The following VPS13B variants were observed in gnomAD, a reference collection of about 807,000 sequenced individuals.
The protein encoded by VPS13B is intermembrane lipid transfer protein VPS13B.
Under a neutral mutation model 426.4 loss-of-function variants are expected in VPS13B, and 285 were observed. That is an observed-to-expected ratio of 0.67 (90% confidence interval 0.61 to 0.74). VPS13B has a LOEUF of 0.74. VPS13B is among the 30% of genes least tolerant of loss of function. The pLI, the probability that VPS13B is intolerant of heterozygous loss-of-function variation, is 0.00. For missense variants in VPS13B, 4,537 were observed against 4,782.6 expected, an observed-to-expected ratio of 0.95 and a Z score of 1.51; for synonymous variants, 1,676 against 1,676.4, an observed-to-expected ratio of 1.00 and a Z score of 0.01.
rs377401535 is a variant in VPS13B at position 99,670,141 on chromosome 8, T to G, written c.6046+8650T>G. ...CCCTGCTTTTATGTTATTACTGAAT[T>G]TATTACTCAGTGGGGATTAACTCAG... On this transcript the variant is annotated intron_variant, in intron 35 of 61. Transcript: ENST00000357162. Among the ~76,000 whole-genome samples, 15 of 152,198 alleles carry G rather than the reference T, an allele frequency of 9.9e-5. No homozygotes were observed. The East Asian group carries it at 2.5e-3, about 25-fold the overall frequency.
chr8:99,625,597 G>A (rs1355350668), intron 33 of VPS13B, among the ~76,000 whole-genome samples: 1 of 152,064 alleles, frequency 6.6e-6, no homozygotes, highest in Non-Finnish European at 1.5e-5. Flanking sequence ...GCTCACACCT[G>A]TAATCCTAAC....
chr8:99,213,909 C>G (rs1815248330), intron 17 of VPS13B, among the ~76,000 whole-genome samples: 1 of 151,894 alleles, frequency 6.6e-6, no homozygotes, highest in Non-Finnish European at 1.5e-5. Flanking sequence ...TTCTAGACTC[C>G]CATAAGTTCT....
chr8:99,810,719 T>C (rs941761999), intron 44 of VPS13B, among the ~76,000 whole-genome samples: 7 of 152,316 alleles, frequency 4.6e-5, no homozygotes, highest in Admixed American at 4.6e-4. Context: ...TGCTTTTAAA[T>C]TGCAATTTTA....
chr8:99,360,812 G>A (rs1303455715), intron 19 of VPS13B, among the ~76,000 whole-genome samples: 1 of 152,130 alleles, frequency 6.6e-6, no homozygotes, highest in African/African-American at 2.4e-5. Flanking sequence ...TGTAAGTTAA[G>A]TTCTTAGTCA....
At chr8:99,301,922 C>T (rs1210663102) in intron 19 of VPS13B, among the ~76,000 whole-genome samples, 2 of 152,106 alleles carry the variant, frequency 1.3e-5, no homozygotes, top group Non-Finnish European at 2.9e-5. Context: ...CCACTGCACC[C>T]AGGCTAAATA....
At chr8:99,267,230 G>T (rs1312390314) in intron 17 of VPS13B, among the ~76,000 whole-genome samples, 1 of 152,148 alleles carries the variant, frequency 6.6e-6, no homozygotes, top group East Asian at 1.9e-4. Context: ...TGAGGAACTT[G>T]TTGGGAACTG....
At chr8:99,110,955 A>T in intron 5 of VPS13B, 143 bp from the exon 6 acceptor site, 2 of 529,914 alleles carry the variant, frequency 3.8e-6, no homozygotes, top group Non-Finnish European at 6.1e-6. Context: ...TTCATTGCAT[A>T]TGGTCTGGCA....
At chr8:99,629,068 T>C (rs1416799483) in intron 33 of VPS13B, among the ~76,000 whole-genome samples, 1 of 152,176 alleles carries the variant, frequency 6.6e-6, no homozygotes, top group African/African-American at 2.4e-5. Flanking sequence ...CCAGCCTAGC[T>C]GTATGATTTT....
intron 42 of VPS13B, among the ~76,000 whole-genome samples, chr8:99,783,261 G>A (rs997391369): frequency 6.6e-6 from 1 of 152,158 alleles, no homozygotes; most frequent in Non-Finnish European, 1.5e-5. Flanking sequence ...CAGTAAAGTG[G>A]CAAATGATGG....
chr8:99,489,858 A>G (rs1039180773), intron 25 of VPS13B, among the ~76,000 whole-genome samples: 9 of 152,184 alleles, frequency 5.9e-5, no homozygotes, highest in African/African-American at 1.9e-4. Context: ...AACAAGGACA[A>G]TTTGACTTCC....
chr8:99,754,197 A>G (rs1361837447), intron 39 of VPS13B, among the ~76,000 whole-genome samples: 1 of 151,476 alleles, frequency 6.6e-6, no homozygotes, highest in Non-Finnish European at 1.5e-5. Context: ...AAGAAATAAT[A>G]TTATAAGCTA....
At chr8:99,764,630 G>T (rs1230332741) in intron 39 of VPS13B, among the ~76,000 whole-genome samples, 2 of 151,682 alleles carry the variant, frequency 1.3e-5, no homozygotes, top group Non-Finnish European at 2.9e-5. Context: ...TGATCAGGCT[G>T]GTCTTGAACT....
chr8:99,732,100 G>T (rs1833629899), intron 39 of VPS13B, among the ~76,000 whole-genome samples: 1 of 152,202 alleles, frequency 6.6e-6, no homozygotes, highest in Admixed American at 6.5e-5. Flanking sequence ...GAACATAAGA[G>T]ACACTGCTGG....
chr8:99,240,133 C>G (rs754776517), intron 17 of VPS13B, among the ~76,000 whole-genome samples: 18 of 152,126 alleles, frequency 1.2e-4, no homozygotes, highest in Non-Finnish European at 2.4e-4. Flanking sequence ...AGCTCATTTT[C>G]TAAGTTATCT....
chr8:99,037,082 G>A (rs762348215), intron 2 of VPS13B, among the ~76,000 whole-genome samples: 4 of 151,998 alleles, frequency 2.6e-5, no homozygotes, highest in Admixed American at 6.6e-5. Flanking sequence ...TTAGAATAGC[G>A]CCTGGTACAT....
intron 20 of VPS13B, among the ~76,000 whole-genome samples, chr8:99,390,381 C>T (rs1455291728): frequency 6.6e-6 from 1 of 152,162 alleles, no homozygotes; most frequent in African/African-American, 2.4e-5. Context: ...GGATTACAGG[C>T]GTGAGCCACC....
chr8:99,314,089 G>A (rs577518052), intron 19 of VPS13B, among the ~76,000 whole-genome samples: 1 of 152,320 alleles, frequency 6.6e-6, no homozygotes, highest in South Asian at 2.1e-4. Flanking sequence ...GGGTAGGAAA[G>A]GGAATTCCCT....
chr8:99,277,659 A>G (rs1818967446), intron 19 of VPS13B, among the ~76,000 whole-genome samples: 1 of 152,150 alleles, frequency 6.6e-6, no homozygotes, highest in African/African-American at 2.4e-5. Flanking sequence ...CTACACACAT[A>G]TTGACACTTC....
chr8:99,289,572 C>A (rs538659599), intron 19 of VPS13B, among the ~76,000 whole-genome samples: 1 of 151,960 alleles, frequency 6.6e-6, no homozygotes, highest in African/African-American at 2.4e-5. Context: ...AATCTAAAGA[C>A]GATTCATTTC....
Sources: allele counts gnomAD v4.1 joint callset (sites outside exome capture counted in the v4.1 genomes callset), GRCh38; gene constraint gnomAD v4.1.1; transcripts MANE v1.5; gene names NCBI Gene and HGNC (gene_info 2026-07-23, HGNC 2026-07-21).